Variants in PPP2R5E observed in about 807,000 individuals in gnomAD.
PPP2R5E encodes serine/threonine-protein phosphatase 2A 56 kDa regulatory subunit epsilon isoform.
Under a neutral mutation model 65.3 loss-of-function variants are expected in PPP2R5E, and 4 were observed. The ratio of observed to expected loss-of-function variants is 0.06; its 90% CI spans 0.03 to 0.14. The LOEUF is 0.14. Among genes scored for constraint, PPP2R5E ranks in the 10% least tolerant of loss-of-function variants. PPP2R5E has a pLI of 1.00. For missense variants in PPP2R5E, 274 were observed against 556.1 expected, an observed-to-expected ratio of 0.49 and a Z score of 5.10; for synonymous variants, 183 against 187.4, an observed-to-expected ratio of 0.98 and a Z score of 0.19.
intron 2 of PPP2R5E, among the ~76,000 whole-genome samples, chr14:63,498,118 T>G (rs1891672752): frequency 6.6e-6 from 1 of 152,236 alleles, no homozygotes; most frequent in Admixed American, 6.5e-5. Context: ...ATATCTCTTC[T>G]TTGTAATTTA....
At chr14:63,468,409 G>T (rs1272985388) in intron 2 of PPP2R5E, among the ~76,000 whole-genome samples, 1 of 152,174 alleles carries the variant, frequency 6.6e-6, no homozygotes, top group Non-Finnish European at 1.5e-5. Flanking sequence ...TCAAAATAAA[G>T]TTGTAACTTG....
chr14:63,453,661 G>A, intron 3 of PPP2R5E, 28 bp downstream of exon 3: 2 of 1,602,982 alleles, frequency 1.2e-6, no homozygotes, highest in South Asian at 2.2e-5. Context: ...ATGCTTAAAA[G>A]TGTCCGCGGA....
At chr14:63,415,052 T>G (rs1566685040) in intron 5 of PPP2R5E, 88 bp downstream of exon 5, 2 of 904,002 alleles carry the variant, frequency 2.2e-6, no homozygotes, top group Non-Finnish European at 3.4e-6. Context: ...TAACTGTCAT[T>G]GCAAAACTTT....
chr14:63,449,965 A>T (rs533419956), intron 3 of PPP2R5E, among the ~76,000 whole-genome samples: 6 of 135,464 alleles, frequency 4.4e-5, no homozygotes, highest in African/African-American at 1.7e-4. Flanking sequence ...AACCTCCACC[A>T]CCCAGGTTCA....
intron 2 of PPP2R5E, among the ~76,000 whole-genome samples, chr14:63,481,943 A>G (rs1890724350): frequency 6.6e-6 from 1 of 152,226 alleles, no homozygotes; most frequent in Admixed American, 6.5e-5. Flanking sequence ...TCAATTTTTT[A>G]GAAGATGATG....
intron 5 of PPP2R5E, among the ~76,000 whole-genome samples, chr14:63,411,421 T>C (rs1179845152): frequency 6.6e-6 from 1 of 152,020 alleles, no homozygotes; most frequent in Non-Finnish European, 1.5e-5. Flanking sequence ...TTTATTTTTA[T>C]AGTTTTGGGA....
intron 5 of PPP2R5E, among the ~76,000 whole-genome samples, chr14:63,410,408 TACC>T (rs1395728699): frequency 2.6e-5 from 4 of 152,082 alleles, no homozygotes; most frequent in Non-Finnish European, 5.9e-5. Context: ...AAGACCTGAC[TACC>T]GAGTGCAGAG....
At chr14:63,456,499 T>C (rs545983458) in intron 2 of PPP2R5E, among the ~76,000 whole-genome samples, 3 of 152,364 alleles carry the variant, frequency 2.0e-5, no homozygotes, top group Non-Finnish European at 2.9e-5. Flanking sequence ...ATTGAATATA[T>C]TGGGTACATT....
chr14:63,533,578 G>C lies in PPP2R5E; in HGVS notation c.157+5951C>G, dbSNP rs150730374. 4.6e-3 allele frequency among the ~76,000 whole-genome samples: 702 copies of C among 151,916 alleles called. 13 individuals carry two copies. In the South Asian group the frequency reaches 0.073, roughly 16 times the overall value. ...CTCCGTCTAGTCATCATAGTTGTAA[G>C]AATATCTAAAAGTGAATGTACAAAC... is the stretch of plus-strand genomic sequence containing the variant. On this transcript the variant is annotated intron_variant, in intron 2 of 13. Coordinates refer to ENST00000337537, the MANE Select transcript of PPP2R5E (RefSeq NM_006246.5).
chr14:63,503,738 T>C (rs1203061377), intron 2 of PPP2R5E, among the ~76,000 whole-genome samples: 2 of 152,184 alleles, frequency 1.3e-5, no homozygotes, highest in East Asian at 3.8e-4. Context: ...TAACCTGTCT[T>C]CTCTTAGGTA....
chr14:63,510,177 T>TC (rs752673314), intron 2 of PPP2R5E, among the ~76,000 whole-genome samples: 6 of 152,134 alleles, frequency 3.9e-5, no homozygotes, highest in Non-Finnish European at 7.3e-5. Context: ...ACAACACCGG[T>TC]CCAGCTGAGC....
chr14:63,469,302 G>A (rs1308432502), intron 2 of PPP2R5E, among the ~76,000 whole-genome samples: 1 of 151,772 alleles, frequency 6.6e-6, no homozygotes, highest in Admixed American at 6.6e-5. Flanking sequence ...TATTATAAGG[G>A]CATATGTTGT....
At chr14:63,476,058 A>C (rs916969571) in intron 2 of PPP2R5E, among the ~76,000 whole-genome samples, 13 of 152,186 alleles carry the variant, frequency 8.5e-5, no homozygotes, top group Non-Finnish European at 1.3e-4. Flanking sequence ...TGATACTTAA[A>C]TCTTCTATCT....
intron 2 of PPP2R5E, among the ~76,000 whole-genome samples, chr14:63,463,685 C>T (rs1889622457): frequency 6.6e-6 from 1 of 151,830 alleles, no homozygotes; most frequent in South Asian, 2.1e-4. Context: ...CAAGCTCCGC[C>T]TCCCGGGTTC....
chr14:63,384,679 T>C, intron 11 of PPP2R5E, 108 bp from the exon 12 acceptor site: 2 of 747,354 alleles, frequency 2.7e-6, no homozygotes, highest in Non-Finnish European at 3.9e-6. Flanking sequence ...TTGTAAATCA[T>C]TCAATTAGAG....
intron 5 of PPP2R5E, among the ~76,000 whole-genome samples, chr14:63,401,469 A>G (rs993127144): frequency 6.6e-6 from 1 of 152,216 alleles, no homozygotes; most frequent in African/African-American, 2.4e-5. Flanking sequence ...CTGTCAACAT[A>G]CTAACTCCAG....
At chr14:63,475,560 GT>G (rs1335836994) in intron 2 of PPP2R5E, among the ~76,000 whole-genome samples, 1 of 152,032 alleles carries the variant, frequency 6.6e-6, no homozygotes, top group Non-Finnish European at 1.5e-5. Flanking sequence ...ATATATCACT[GT>G]TTTTTTATAT....
chr14:63,442,748 C>T (rs1045477590), intron 3 of PPP2R5E, among the ~76,000 whole-genome samples: 6 of 152,088 alleles, frequency 3.9e-5, no homozygotes, highest in Admixed American at 3.3e-4. Flanking sequence ...ATAGGATATA[C>T]GTATGGGATT....
intron 5 of PPP2R5E, among the ~76,000 whole-genome samples, chr14:63,399,906 C>T (rs1885647124): frequency 6.6e-6 from 1 of 152,102 alleles, no homozygotes; most frequent in Non-Finnish European, 1.5e-5. Context: ...ATGAGGTTGA[C>T]ACTGACAGCA....
Sources: allele counts gnomAD v4.1 joint callset (sites outside exome capture counted in the v4.1 genomes callset), GRCh38; gene constraint gnomAD v4.1.1; transcripts MANE v1.5; gene names NCBI Gene and HGNC (gene_info 2026-07-23, HGNC 2026-07-21).